ATXN10: variants seen among roughly 807,000 people sequenced by gnomAD.
The protein encoded by ATXN10 is ataxin 10, also known as ataxin-10.
ATXN10 carries 28 observed loss-of-function variants against 52.9 expected under a neutral mutation model. The observed-to-expected ratio is 0.53, with a 90% CI of 0.39 to 0.73. The LOEUF is 0.73. Ranked by LOEUF, ATXN10 falls within the 30% of genes least tolerant of loss-of-function variation. The pLI, the probability that ATXN10 is intolerant of heterozygous loss-of-function variation, is 0.00. For synonymous variants in ATXN10, 226 were observed against 221.5 expected (o/e 1.02, Z -0.18); for missense variants, 565 against 577.0 (o/e 0.98, Z 0.21).
chr22:45,763,468 G>C lies in ATXN10; in HGVS notation c.1173+22930G>C, dbSNP rs561821786. On this transcript the variant is annotated intron_variant, in intron 9 of 11. Transcript: ENST00000252934. The surrounding 1 kb of genome is among the most constrained non-coding windows in gnomAD (Gnocchi z 6.9). ...TCCTTGCCTGAGCCTCTGTGCTTGC[G>C]CTCCTCTCCCCAGCCCCAGGTCTGC... Among the ~76,000 whole-genome samples, 1 of 152,130 alleles carries C rather than the reference G, an allele frequency of 6.6e-6. No homozygotes were observed. The highest frequency in any genetic ancestry group is 2.4e-5 in the African/African-American group (1 of 41,440).
At position 45,795,415 on chromosome 22, in the gene ATXN10, A is replaced by ATTCTATTCTATTCTATTCTT. The variant is rs747787715; in HGVS notation, c.1174-11535_1174-11534insATTCTATTCTTTTCTATTCT. Among the ~76,000 whole-genome samples the ATTCTATTCTATTCTATTCTT allele has an allele frequency of 5.0e-3, 672 of 134,186 alleles. 7 individuals carry two copies. The highest frequency in any genetic ancestry group is 0.023 in the Middle Eastern group (6 of 262). 88.0% of individuals were successfully genotyped at this position (134,186 alleles called of 152,430 possible). ...ATTCTATTCTATTCTATTCTATTCT[A>ATTCTATTCTATTCTATTCTT]TTCTATTCTTTTTGAGATGAAGTCT... On this transcript the variant is annotated intron_variant, in intron 9 of 11. Transcript: ENST00000252934. This position sits in a 1 kb window ranked among gnomAD's most constrained non-coding sequence, Gnocchi z 4.6.
Position 45,842,988 on chromosome 22 carries a change from C to T in ATXN10, c.1238-3C>T. The T allele has an allele frequency of 2.5e-6, 4 of 1,614,072 alleles. No homozygotes were observed. The highest frequency in any genetic ancestry group is 3.4e-6 in the Non-Finnish European group (4 of 1,179,954). On this transcript the variant is annotated splice_polypyrimidine_tract_variant and splice_region_variant and intron_variant, in intron 10 of 11. Transcript: ENST00000252934. This position sits in a 1 kb window ranked among gnomAD's most constrained non-coding sequence, Gnocchi z 4.8. ...TTGTCACATTCCTTCACTCTGGCTC[C>T]AGTTCTGACCCAGTGGGTGATATAT...
Position 45,684,350 on chromosome 22 carries a change from T to G in ATXN10, c.117-5362T>G, listed in dbSNP as rs199565750. Among the ~76,000 whole-genome samples the G allele has an allele frequency of 1.4e-4, 22 of 152,132 alleles. No individual in the cohort carries two copies. In the East Asian group the frequency reaches 3.7e-3, roughly 25 times the overall value. The stretch of plus-strand genomic sequence containing the variant: ...TGGGAAAGAGGAAGTGTGTGGTTTT[T>G]GGGGAGTGGGGAGAGGACTGGTATG... On this transcript the variant is annotated intron_variant, in intron 1 of 11. Coordinates refer to ENST00000252934, the MANE Select transcript of ATXN10 (RefSeq NM_013236.4). The surrounding 1 kb of genome is among the most constrained non-coding windows in gnomAD (Gnocchi z 4.1).
rs1039759194 is a variant in ATXN10, at chr22:45,770,481, A to T, written c.1173+29943A>T. ...AATGTGTGTTGCAACATTAGGTTGC[A>T]ATGCATATGTGTTTCTTACGATCAG... On this transcript the variant is annotated intron_variant, in intron 9 of 11. Transcript: ENST00000252934. The surrounding 1 kb of genome is among the most constrained non-coding windows in gnomAD (Gnocchi z 4.5). 6.6e-6 allele frequency among the ~76,000 whole-genome samples: 1 copy of T among 152,216 alleles called. No individual in the cohort carries two copies. The highest frequency in any genetic ancestry group is 1.5e-5 in the Non-Finnish European group (1 of 68,040).
rs1210552299 is a variant in ATXN10, at chr22:45,807,020, C to G, written c.1235C>G (p.Pro412Arg). The G allele has an allele frequency of 6.2e-7, 1 of 1,613,454 alleles. No individual in the cohort carries two copies. The highest frequency in any genetic ancestry group is 8.5e-7 in the Non-Finnish European group (1 of 1,179,524). The change falls in exon 10 of 12, where the codon CCC becomes CGC. Residue 412 changes from proline (P) to arginine (R), a missense_variant and splice_region_variant. Physicochemically the swap from Pro to Arg is moderately radical, Grantham distance 103 (BLOSUM62 -2). Transcript: ENST00000252934. ...AACTGCAACATCAGTGACAGTAACC[C>G]CTGTATCCTTGCATGTGAATTACCA... ...LDNCNISDSN[P>R]FLTQWVIYAI...
intron 10 of ATXN10, among the ~76,000 whole-genome samples, chr22:45,814,740 G>A (rs1278828051): frequency 1.3e-5 from 2 of 152,164 alleles, no homozygotes; most frequent in Non-Finnish European, 2.9e-5. Flanking sequence ...CCTGAGCTCC[G>A]TCTCCGGTGA....
Position 45,702,702 on chromosome 22 carries a change from C to A in ATXN10, c.502C>A (p.His168Asn). ...CTTGTTTGGAAGGTCTTGCTTAAATCATCCGGACAAAAAAATTGTTGCCTA... is the reference window on the plus strand; with the variant it reads ...CTTGTTTGGAAGGTCTTGCTTAAATAATCCGGACAAAAAAATTGTTGCCTA... ...FPELFLSCLN[H>N]PDKKIVAYSS... is the part of the protein sequence containing the mutation. Residue 168 changes from histidine (H) to asparagine (N), a missense_variant, in exon 5 of 12, where the codon CAT becomes AAT. Coordinates refer to ENST00000252934, the MANE Select transcript of ATXN10 (RefSeq NM_013236.4). 6.2e-7 allele frequency: 1 copy of A among 1,613,932 alleles called. No homozygotes were observed. The highest frequency in any genetic ancestry group is 1.1e-5 in the South Asian group (1 of 91,074).
chr22:45,792,724 T>G (rs545144536), intron 9 of ATXN10: 3 of 405,944 alleles, frequency 7.4e-6, no homozygotes, highest in South Asian at 2.1e-5. Flanking sequence ...CAGTCTTTTT[T>G]ATTTTTAACT....
intron 9 of ATXN10, among the ~76,000 whole-genome samples, chr22:45,767,490 A>G (rs1445544271): frequency 2.0e-5 from 3 of 151,998 alleles, no homozygotes; most frequent in Non-Finnish European, 4.4e-5. Flanking sequence ...AAAAGAAACC[A>G]TGGAAGAATA....
intron 1 of ATXN10, among the ~76,000 whole-genome samples, chr22:45,687,343 A>T (rs762272367): frequency 6.6e-6 from 1 of 152,182 alleles, no homozygotes; most frequent in Non-Finnish European, 1.5e-5. Context: ...TTGCTGTGCT[A>T]GATACCAATT....
At chr22:45,740,732 A>C in intron 9 of ATXN10, 194 bp downstream of exon 9, 2 of 400,058 alleles carry the variant, frequency 5.0e-6, no homozygotes, top group Non-Finnish European at 8.9e-6. Flanking sequence ...ATATATACAC[A>C]CACACACGTG....
rs1929424467 is a variant in ATXN10, at chr22:45,843,762, T to G, written c.*91T>G. 1 of 1,291,818 alleles carries G rather than the reference T, an allele frequency of 7.7e-7. No homozygotes were observed. Among genetic ancestry groups the G allele is most frequent in the Non-Finnish European group, 1.1e-6 (1 of 900,280 alleles). The allele number at this position is 1,291,818 out of a possible 1,614,324, so 80.0% of individuals were successfully genotyped here. A position where few individuals can be genotyped will look rare whatever the true frequency, so the allele number is the denominator to read the frequency against. ...TGTGAAATTGCAAGTGTTTGAAGAT[T>G]TATAAGTACAAATTTGGGAACATAC... On this transcript the variant is annotated 3_prime_UTR_variant, in exon 12 of 12. Coordinates refer to ENST00000252934, the MANE Select transcript of ATXN10 (RefSeq NM_013236.4). The surrounding 1 kb of genome is among the most constrained non-coding windows in gnomAD (Gnocchi z 4.5).
intron 6 of ATXN10, among the ~76,000 whole-genome samples, chr22:45,721,742 G>A (rs1221616039): frequency 2.0e-5 from 3 of 152,140 alleles, no homozygotes; most frequent in Admixed American, 2.0e-4. Flanking sequence ...CACAGACTCT[G>A]TGAAATAGGT....
intron 1 of ATXN10, among the ~76,000 whole-genome samples, chr22:45,689,180 A>G (rs555570466): frequency 6.6e-6 from 1 of 152,350 alleles, no homozygotes; most frequent in South Asian, 2.1e-4. Flanking sequence ...CTTGTCCTAC[A>G]GGAATATTGT....
chr22:45,694,278 A>G (rs1021488976), intron 3 of ATXN10, among the ~76,000 whole-genome samples: 1 of 152,198 alleles, frequency 6.6e-6, no homozygotes, highest in East Asian at 1.9e-4. Flanking sequence ...TTAAAAAAAA[A>G]ACGTAGATTT....
rs1255366928 is a variant in ATXN10, at chr22:45,744,379, A to G, written c.1173+3841A>G. On this transcript the variant is annotated intron_variant, in intron 9 of 11. Transcript: ENST00000252934. This position sits in a 1 kb window ranked among gnomAD's most constrained non-coding sequence, Gnocchi z 4.9. ...TGCCCACCTGCTGGATGGCCCTCTT[A>G]CACTTGTGTGGCACTTTCCATTTTC... 6.6e-6 allele frequency: 1 copy of G among 152,078 alleles called. No homozygotes were observed. The highest frequency in any genetic ancestry group is 2.4e-5 in the African/African-American group (1 of 41,376). 9.4% of individuals were successfully genotyped at this position (152,078 alleles called of 1,614,324 possible). A position where few individuals can be genotyped will look rare whatever the true frequency, so the allele number is the denominator to read the frequency against.
chr22:45,745,173 CTTT>C (rs1925681087), intron 9 of ATXN10, among the ~76,000 whole-genome samples: 2 of 152,136 alleles, frequency 1.3e-5, no homozygotes, highest in African/African-American at 4.8e-5. Context: ...TCAGCTTCTT[CTTT>C]GTTAGAATAA....
In ATXN10 at chr22:45,672,156, G is replaced by T. The variant is rs919136372; in HGVS notation, c.93G>T (p.Ala31=). 1.3e-6 allele frequency: 2 copies of T among 1,538,824 alleles called. No individual in the cohort carries two copies. The highest frequency in any genetic ancestry group is 2.0e-5 in the Admixed American group (1 of 50,836). The change falls in exon 1 of 12, where the codon GCG becomes GCT. Residue 31 remains alanine (A), a synonymous_variant. Transcript: ENST00000252934. ...QDLEALRALT[A]LFKEQRNRET... ...TGGAGGCCCTGCGCGCGCTCACGGC[G>T]CTCTTCAAAGAGCAGCGGAACCGGT...
chr22:45,834,339 C>A (rs1351945465), intron 10 of ATXN10, among the ~76,000 whole-genome samples: 1 of 152,166 alleles, frequency 6.6e-6, no homozygotes, highest in Non-Finnish European at 1.5e-5. Flanking sequence ...CCTGACACTT[C>A]CCCGGTTTCT....
Sources: allele counts gnomAD v4.1 joint callset (sites outside exome capture counted in the v4.1 genomes callset), GRCh38; gene constraint gnomAD v4.1.1; non-coding constraint Gnocchi (gnomAD v3.1); transcripts MANE v1.5; gene names NCBI Gene and HGNC (gene_info 2026-07-23, HGNC 2026-07-21).